FMN2: variants seen among roughly 807,000 people sequenced by gnomAD.
The protein encoded by FMN2 is formin-2.
Under a neutral mutation model 142.3 loss-of-function variants are expected in FMN2, and 51 were observed. The observed-to-expected ratio is 0.36, with a 90% CI of 0.29 to 0.45. The LOEUF (loss-of-function observed/expected upper bound fraction) is 0.45. Among genes scored for constraint, FMN2 ranks in the 20% least tolerant of loss-of-function variants. The pLI is 1.00. For missense variants in FMN2, 1,936 were observed against 2,122.8 expected (o/e 0.91, Z 1.73); for synonymous variants, 882 against 869.8 (o/e 1.01, Z -0.25).
At chr1:240,440,332 A>G (rs747701166) in intron 16 of FMN2, among the ~76,000 whole-genome samples, 3 of 152,184 alleles carry the variant, frequency 2.0e-5, no homozygotes, top group Non-Finnish European at 4.4e-5. Context: ...GCCCCATGAC[A>G]GCCTCCTCAG....
intron 6 of FMN2, among the ~76,000 whole-genome samples, chr1:240,219,310 C>G (rs561233338): frequency 6.6e-4 from 100 of 152,260 alleles, no homozygotes; most frequent in African/African-American, 2.3e-3. Flanking sequence ...ATGTATCCTT[C>G]TTTACCATGG....
chr1:240,194,428 C>A (rs754350190), intron 4 of FMN2, among the ~76,000 whole-genome samples: 1 of 152,090 alleles, frequency 6.6e-6, no homozygotes, highest in African/African-American at 2.4e-5. Context: ...AAGAGTCCAG[C>A]GTGAACTAAA....
intron 15 of FMN2, among the ~76,000 whole-genome samples, chr1:240,425,190 G>A (rs1284742308): frequency 1.7e-5 from 2 of 115,872 alleles, no homozygotes; most frequent in Non-Finnish European, 3.8e-5. Context: ...CACTAAGCAA[G>A]GATTTGAATG....
intron 14 of FMN2, among the ~76,000 whole-genome samples, chr1:240,371,584 A>G (rs1264365150): frequency 6.6e-6 from 1 of 152,214 alleles, no homozygotes; most frequent in Non-Finnish European, 1.5e-5. Context: ...CCAAGGGTCC[A>G]TTTGTATAGT....
intron 16 of FMN2, among the ~76,000 whole-genome samples, chr1:240,452,983 C>T (rs1676111396): frequency 6.6e-6 from 1 of 152,072 alleles, no homozygotes; most frequent in African/African-American, 2.4e-5. Flanking sequence ...TTAAAAAGAC[C>T]TGGATTTGAT....
rs151018932 is a variant in FMN2, at chr1:240,130,920, T to C, written c.1782+7575T>C. Among the ~76,000 whole-genome samples, 247 of 152,208 alleles carry C rather than the reference T, an allele frequency of 1.6e-3. 1 individual carries two copies. Among genetic ancestry groups the C allele is most frequent in the South Asian group, 2.7e-3 (13 of 4,826 alleles). ...AGCTCCCTCTTTCCCTTACAACACC[T>C]GTCCCCCAAGCCCCTGCCCTGTTAT... On this transcript the variant is annotated intron_variant, in intron 2 of 17. Coordinates refer to ENST00000319653, the MANE Select transcript of FMN2 (RefSeq NM_020066.5).
chr1:240,225,209 G>T lies in FMN2; in HGVS notation c.4065+13974G>T, dbSNP rs1667256457. Among the ~76,000 whole-genome samples the T allele has an allele frequency of 2.6e-5, 4 of 152,264 alleles. No individual in the cohort carries two copies. The South Asian group carries it at 8.3e-4, about 32-fold the overall frequency. ...TCTGAAAGCTGTGTACATACCCAAGGCTGTACCCTCACAGGAGCAACTGGA... is the reference window on the plus strand; with the variant it reads ...TCTGAAAGCTGTGTACATACCCAAGTCTGTACCCTCACAGGAGCAACTGGA... On this transcript the variant is annotated intron_variant, in intron 6 of 17. Coordinates refer to ENST00000319653, the MANE Select transcript of FMN2 (RefSeq NM_020066.5).
chr1:240,285,373 T>G, intron 7 of FMN2: 1 of 444,704 alleles, frequency 2.2e-6, no homozygotes, highest in Non-Finnish European at 4.5e-6. Context: ...TGCTGTCTGT[T>G]AGACACCCAA....
intron 15 of FMN2, among the ~76,000 whole-genome samples, chr1:240,396,563 G>T (rs1357558275): frequency 6.6e-6 from 1 of 151,974 alleles, no homozygotes; most frequent in Non-Finnish European, 1.5e-5. Flanking sequence ...TGTCATCCAG[G>T]TATTGAGCGT....
chr1:240,097,805 A>G (rs1010506337), intron 1 of FMN2, among the ~76,000 whole-genome samples: 1 of 152,154 alleles, frequency 6.6e-6, no homozygotes, highest in Non-Finnish European at 1.5e-5. Context: ...GGTGCATTAC[A>G]TAACTATCTG....
intron 1 of FMN2, among the ~76,000 whole-genome samples, chr1:240,113,863 CTG>C (rs2103200026): frequency 6.6e-6 from 1 of 152,292 alleles, no homozygotes; most frequent in East Asian, 1.9e-4. Flanking sequence ...CTTTAATAAA[CTG>C]TGTTCGTATC....
intron 15 of FMN2, among the ~76,000 whole-genome samples, chr1:240,419,006 G>C (rs1025317232): frequency 6.6e-5 from 10 of 152,232 alleles, no homozygotes; most frequent in African/African-American, 2.4e-4. Flanking sequence ...TACTTGGGAG[G>C]CTGAGGCAGG....
At chr1:240,443,457 C>T (rs1470966823) in intron 16 of FMN2, among the ~76,000 whole-genome samples, 4 of 152,204 alleles carry the variant, frequency 2.6e-5, no homozygotes, top group Non-Finnish European at 5.9e-5. Flanking sequence ...GGCATGGTGG[C>T]TCATACCTGT....
chr1:240,277,525 C>CTTTTTT (rs34678861), intron 7 of FMN2, among the ~76,000 whole-genome samples: 442 of 66,122 alleles, frequency 6.7e-3, no homozygotes, highest in Non-Finnish European at 8.4e-3. Context: ...GCATCTTCTT[C>CTTTTTT]TTTTTTTTTT....
intron 2 of FMN2, among the ~76,000 whole-genome samples, chr1:240,155,676 G>C (rs538770181): frequency 6.6e-6 from 1 of 152,090 alleles, no homozygotes; most frequent in African/African-American, 2.4e-5. Flanking sequence ...AATTCATTTT[G>C]GTGACTTACT....
intron 13 of FMN2, among the ~76,000 whole-genome samples, chr1:240,353,898 G>T (rs1010844621): frequency 6.6e-6 from 1 of 152,064 alleles, no homozygotes; most frequent in Non-Finnish European, 1.5e-5. Flanking sequence ...AGAAAAGCAG[G>T]CCCTGTGGGG....
intron 1 of FMN2, among the ~76,000 whole-genome samples, chr1:240,110,073 G>C (rs1365063352): frequency 6.6e-6 from 1 of 152,124 alleles, no homozygotes; most frequent in East Asian, 1.9e-4. Flanking sequence ...TCCTTCTTGG[G>C]CTTTGGTTGT....
rs1669166930 is a variant in FMN2 at position 240,275,343 on chromosome 1, G to A, written c.4153+17311G>A. 3.3e-5 allele frequency among the ~76,000 whole-genome samples: 5 copies of A among 151,774 alleles called. No homozygotes were observed. The South Asian group carries it at 1.0e-3, about 32-fold the overall frequency. On this transcript the variant is annotated intron_variant, in intron 7 of 17. Transcript: ENST00000319653. The stretch of plus-strand genomic sequence containing the variant: ...TTATAAGTGAGAACATGTGGTGCTT[G>A]GTTTTCTGTTCCTGTGGTAGTTTGC...
At chr1:240,381,377 CAT>C (rs1311749801) in intron 14 of FMN2, among the ~76,000 whole-genome samples, 2 of 151,996 alleles carry the variant, frequency 1.3e-5, no homozygotes, top group Non-Finnish European at 2.9e-5. Flanking sequence ...TTAACATACA[CAT>C]GTCAATAAAT....
Sources: gnomAD v4.1 joint callset for allele counts (sites outside exome capture counted in the v4.1 genomes callset) on GRCh38, gnomAD v4.1.1 for gene constraint, MANE v1.5 for transcripts, NCBI Gene and HGNC (gene_info 2026-07-23, HGNC 2026-07-21) for gene names.